ABCA13: variants seen among roughly 807,000 people sequenced by gnomAD.
The protein encoded by ABCA13 is ATP-binding cassette sub-family A member 13.
ABCA13 carries 476 observed loss-of-function variants against 478.7 expected under a neutral mutation model. That is an observed-to-expected ratio of 0.99 (90% CI 0.92 to 1.07). The LOEUF (loss-of-function observed/expected upper bound fraction) is 1.07, where lower values mean the gene tolerates loss of function less well. ABCA13 is among the 50% of genes least tolerant of loss of function. The probability of loss-of-function intolerance (pLI) is 0.00; values close to 1 mark genes in which losing one functional copy is unlikely to be tolerated. For synonymous variants in ABCA13, 2,252 were observed against 2,158.9 expected, an observed-to-expected ratio of 1.04 and a Z score of -1.20; for missense variants, 6,060 against 5,910.6, an observed-to-expected ratio of 1.03 and a Z score of -0.83.
rs745373350 is a variant in ABCA13, at chr7:48,411,049, T to TTTTC, written c.12228+392_12228+395dup. ...TTTCTTTCTTTCTTTCTTTCTTTCTTTTTCTTTCTTTCTTTCTTTCTTTTT... is the reference window on the plus strand; with the variant it reads ...TTTCTTTCTTTCTTTCTTTCTTTCTTTTTCTTTCTTTCTTTCTTTCTTTCTTTTT... On this transcript the variant is annotated intron_variant, in intron 40 of 61. Coordinates refer to ENST00000435803, the MANE Select transcript of ABCA13 (RefSeq NM_152701.5). Among the ~76,000 whole-genome samples, 452 of 64,892 alleles carry TTTTC rather than the reference T, an allele frequency of 7.0e-3. 36 individuals are homozygous for TTTTC. Among genetic ancestry groups the TTTTC allele is most frequent in the African/African-American group, 0.022 (425 of 19,406 alleles). The allele number at this position is 64,892 out of a possible 152,430, so 42.6% of individuals were successfully genotyped here. A position where few individuals can be genotyped will look rare whatever the true frequency, so the allele number is the denominator to read the frequency against.
chr7:48,540,957 T>C (rs1833907405), intron 55 of ABCA13, among the ~76,000 whole-genome samples: 2 of 152,110 alleles, frequency 1.3e-5, no homozygotes, highest in South Asian at 2.1e-4. Context: ...TGCAGCATGA[T>C]AGACTAGGTC....
intron 51 of ABCA13, among the ~76,000 whole-genome samples, chr7:48,515,662 G>T (rs1832049240): frequency 6.6e-6 from 1 of 152,162 alleles, no homozygotes; most frequent in African/African-American, 2.4e-5. Context: ...TAAGATGACA[G>T]TTACAGTGCT....
chr7:48,374,154 G>A (rs937083509), intron 33 of ABCA13, among the ~76,000 whole-genome samples, 193 bp from the exon 34 acceptor site: 7 of 152,136 alleles, frequency 4.6e-5, no homozygotes, highest in African/African-American at 1.7e-4. Context: ...TTGTTATCAT[G>A]CTTTTCAGAG....
intron 54 of ABCA13, among the ~76,000 whole-genome samples, chr7:48,526,107 T>A (rs1832876419): frequency 6.6e-6 from 1 of 152,118 alleles, no homozygotes; most frequent in Non-Finnish European, 1.5e-5. Context: ...GGGGTAATTT[T>A]TGTACTGAAA....
At chr7:48,619,320 G>C (rs1792899810) in intron 59 of ABCA13, among the ~76,000 whole-genome samples, 1 of 151,672 alleles carries the variant, frequency 6.6e-6, no homozygotes. Context: ...ATGGAGAAGG[G>C]CCTCTGAGAA....
chr7:48,593,238 T>G (rs575468640), intron 57 of ABCA13, among the ~76,000 whole-genome samples: 9 of 148,134 alleles, frequency 6.1e-5, no homozygotes, highest in South Asian at 2.1e-4. Flanking sequence ...TGTTTTTTTT[T>G]CTTTTGTGTG....
At chr7:48,626,117 C>T (rs1252817539) in intron 59 of ABCA13, among the ~76,000 whole-genome samples, 2 of 152,154 alleles carry the variant, frequency 1.3e-5, no homozygotes, top group Admixed American at 6.6e-5. Flanking sequence ...TTACATAGTG[C>T]CAGGGTCTTG....
At chr7:48,500,296 AGT>A (rs963045247) in intron 48 of ABCA13, among the ~76,000 whole-genome samples, 20 of 152,280 alleles carry the variant, frequency 1.3e-4, no homozygotes, top group Non-Finnish European at 2.4e-4. Context: ...GGTGCAGGGT[AGT>A]GTGAGGGTGA....
At chr7:48,389,295 G>T in intron 37 of ABCA13, 75 bp downstream of exon 37, 1 of 1,478,420 alleles carries the variant, frequency 6.8e-7, no homozygotes, top group South Asian at 1.3e-5. Flanking sequence ...GAGACAGAAG[G>T]TTTGATTTCT....
chr7:48,330,002 C>A (rs928961917), intron 27 of ABCA13, among the ~76,000 whole-genome samples: 4 of 151,562 alleles, frequency 2.6e-5, no homozygotes, highest in Non-Finnish European at 5.9e-5. Flanking sequence ...TCCATCCATC[C>A]ATTTATCTAT....
At chr7:48,482,481 G>A (rs540895509) in intron 46 of ABCA13, among the ~76,000 whole-genome samples, 3 of 151,974 alleles carry the variant, frequency 2.0e-5, no homozygotes, top group Admixed American at 6.5e-5. Context: ...AGGTTCAAGC[G>A]ATTCTCTTGC....
intron 35 of ABCA13, among the ~76,000 whole-genome samples, chr7:48,380,789 C>T (rs549078596): frequency 1.3e-5 from 2 of 152,238 alleles, no homozygotes; most frequent in East Asian, 3.9e-4. Flanking sequence ...CCAGGGATAG[C>T]CAGTTCCTAG....
chr7:48,183,271 A>C (rs1380861445), intron 1 of ABCA13, among the ~76,000 whole-genome samples: 1 of 152,196 alleles, frequency 6.6e-6, no homozygotes, highest in Non-Finnish European at 1.5e-5. Flanking sequence ...CACATACCGC[A>C]TGAGTCACTT....
rs758646710 is a variant in ABCA13, at chr7:48,507,965, CAG to C, written c.13441_13442del (p.Arg4481GlyfsTer26). 2 of 1,613,758 alleles carry C rather than the reference CAG, an allele frequency of 1.2e-6. No individual in the cohort carries two copies. The highest frequency in any genetic ancestry group is 2.2e-5 in the South Asian group (2 of 91,056). ...CCATCGGCAGCTCTGTGGTGAGGGA[CAG>C]GGTGATTGGAGCCAAAAGGTTGCAG... ...ASIGSSVVRD[R>X]VIGAKRLQHI... On this transcript the variant is annotated frameshift_variant, in exon 50 of 62. Transcript: ENST00000435803. LOFTEE classifies it high-confidence loss of function.
At chr7:48,176,237 G>A (rs1398328037) in intron 1 of ABCA13, among the ~76,000 whole-genome samples, 1 of 152,170 alleles carries the variant, frequency 6.6e-6, no homozygotes, top group Non-Finnish European at 1.5e-5. Context: ...CTGATATCCT[G>A]TAAGTGATAC....
chr7:48,273,708 G>T lies in ABCA13; in HGVS notation c.4042G>T (p.Asp1348Tyr). 1 of 1,608,512 alleles carries T rather than the reference G, an allele frequency of 6.2e-7. No homozygotes were observed. The change falls in exon 17 of 62, where the codon GAT (aspartate) becomes TAT (tyrosine). Residue 1348 changes from aspartate (D) to tyrosine (Y), a missense_variant. Asp to Tyr is a radical substitution (Grantham distance 160). Coordinates refer to ENST00000435803, the MANE Select transcript of ABCA13 (RefSeq NM_152701.5). ...SHDRDLFSCA[D>Y]IFQNVTECIL... Reference sequence around the variant, plus strand: ...TGATCGAGATTTGTTTTCCTGTGCTGATATTTTCCAAAATGTTACTGAGTG... The same window carrying T: ...TGATCGAGATTTGTTTTCCTGTGCTTATATTTTCCAAAATGTTACTGAGTG...
At chr7:48,592,710 T>C (rs1446033466) in intron 57 of ABCA13, among the ~76,000 whole-genome samples, 2 of 152,018 alleles carry the variant, frequency 1.3e-5, no homozygotes, top group Non-Finnish European at 2.9e-5. Flanking sequence ...TTATGTCTTT[T>C]ACTCCTTTCA....
intron 10 of ABCA13, 54 bp from the exon 11 acceptor site, chr7:48,244,522 T>C: frequency 1.3e-6 from 2 of 1,568,082 alleles, no homozygotes; most frequent in South Asian, 2.3e-5. Context: ...ATTTCCCTAA[T>C]TGGCACTTCG....
chr7:48,197,438 G>T (rs146579027), intron 2 of ABCA13, among the ~76,000 whole-genome samples: 1 of 152,328 alleles, frequency 6.6e-6, no homozygotes, highest in Non-Finnish European at 1.5e-5. Flanking sequence ...AGTCAAAGTA[G>T]ATAAGGGCTG....
Sources: gnomAD v4.1 joint callset for allele counts (sites outside exome capture counted in the v4.1 genomes callset) on GRCh38, gnomAD v4.1.1 for gene constraint, MANE v1.5 for transcripts, NCBI Gene and HGNC (gene_info 2026-07-23, HGNC 2026-07-21) for gene names.